Variants in NFIB observed in about 807,000 individuals in gnomAD.
NFIB encodes the protein nuclear factor I B.
In NFIB, 11 loss-of-function variants were observed where a neutral mutation model predicts 61.5. The ratio of observed to expected loss-of-function variants is 0.18; its 90% CI spans 0.11 to 0.30. The LOEUF is 0.30. Among genes scored for constraint, NFIB ranks in the 10% least tolerant of loss-of-function variants. NFIB has a pLI of 1.00. For missense variants in NFIB, 471 were observed against 608.9 expected, an observed-to-expected ratio of 0.77 and a Z score of 2.38; for synonymous variants, 260 against 216.5, an observed-to-expected ratio of 1.20 and a Z score of -1.76.
intron 2 of NFIB, among the ~76,000 whole-genome samples, chr9:14,225,158 G>GA (rs996519676): frequency 6.6e-6 from 1 of 152,072 alleles, no homozygotes; most frequent in Non-Finnish European, 1.5e-5. Context: ...AGTGAGAACA[G>GA]AAGGTATTAT....
intron 2 of NFIB, among the ~76,000 whole-genome samples, chr9:14,249,502 TGC>T (rs1324827435): frequency 2.0e-5 from 3 of 152,228 alleles, no homozygotes; most frequent in African/African-American, 7.2e-5. Flanking sequence ...GTCTCACTGT[TGC>T]CTAGGCTAAA....
At chr9:14,163,498 A>G in intron 3 of NFIB, among the ~76,000 whole-genome samples, 1 of 151,938 alleles carries the variant, frequency 6.6e-6, no homozygotes, top group Non-Finnish European at 1.5e-5. Context: ...AAGCAGTATC[A>G]GCAACGGTTA....
intron 10 of NFIB, among the ~76,000 whole-genome samples, chr9:14,111,600 C>T (rs1378730733): frequency 6.6e-6 from 1 of 151,972 alleles, no homozygotes; most frequent in Non-Finnish European, 1.5e-5. Context: ...ACACAATGGA[C>T]ACATACATCT....
In NFIB at chr9:14,120,317, C is replaced by T; in HGVS notation, c.1245+123G>A. 9.2e-7 allele frequency: 1 copy of T among 1,083,382 alleles called. No individual in the cohort carries two copies. The highest frequency in any genetic ancestry group is 1.4e-6 in the Non-Finnish European group (1 of 716,414). 67.1% of individuals were successfully genotyped at this position (1,083,382 alleles called of 1,614,324 possible). A position where few individuals can be genotyped will look rare whatever the true frequency, so the allele number is the denominator to read the frequency against. Reference sequence around the variant, plus strand: ...ACTTATTGAGTCACCAAGCAACTTCCTGAAGATGGATTTCAAGGCTTGACG... The same window carrying T: ...ACTTATTGAGTCACCAAGCAACTTCTTGAAGATGGATTTCAAGGCTTGACG... On this transcript the variant is annotated intron_variant, in intron 8 of 10. Transcript: ENST00000380953. This position sits in a 1 kb window ranked among gnomAD's most constrained non-coding sequence, Gnocchi z 4.4.
At chr9:14,130,770 A>G (rs947374943) in intron 6 of NFIB, among the ~76,000 whole-genome samples, 4 of 152,226 alleles carry the variant, frequency 2.6e-5, no homozygotes, top group African/African-American at 9.6e-5. Context: ...ATGTGAAAGA[A>G]ACTGTATTAT....
At chr9:14,091,041 C>A (rs1563773944) in intron 10 of NFIB, among the ~76,000 whole-genome samples, 1 of 151,996 alleles carries the variant, frequency 6.6e-6, no homozygotes, top group Non-Finnish European at 1.5e-5. Flanking sequence ...TTATTTAAAT[C>A]TTTCAAACCG....
Position 14,134,897 on chromosome 9 carries a change from C to CAAAAAA in NFIB, c.926-9137_926-9132dup, listed in dbSNP as rs57014530. ...TGGGTGACAGGGCGAGACTCTGTCT[C>CAAAAAA]AAAAAAAAAAAAAAAAAAAAAAAGG... On this transcript the variant is annotated intron_variant, in intron 6 of 10. Transcript: ENST00000380953. Among the ~76,000 whole-genome samples the CAAAAAA allele has an allele frequency of 1.6e-3, 104 of 64,316 alleles. 3 individuals carry two copies. The highest frequency in any genetic ancestry group is 4.6e-3 in the African/African-American group (99 of 21,546). 42.2% of individuals were successfully genotyped at this position (64,316 alleles called of 152,430 possible).
chr9:14,449,473 C>A, the NFIB span, among the ~76,000 whole-genome samples: 1 of 152,076 alleles, frequency 6.6e-6, no homozygotes, highest in Non-Finnish European at 1.5e-5. Context: ...TAATAGCATT[C>A]TAAAGACAGT....
chr9:14,461,925 C>T, the NFIB span, among the ~76,000 whole-genome samples: 1 of 152,296 alleles, frequency 6.6e-6, no homozygotes, highest in East Asian at 1.9e-4. Flanking sequence ...AAGGGGAGAA[C>T]TGGATTCAGA....
intron 2 of NFIB, among the ~76,000 whole-genome samples, chr9:14,283,505 T>G (rs1210904757): frequency 6.6e-6 from 1 of 152,232 alleles, no homozygotes; most frequent in African/African-American, 2.4e-5. Flanking sequence ...GCATCTTGAC[T>G]GAAAGTTCAC....
intron 2 of NFIB, among the ~76,000 whole-genome samples, chr9:14,284,066 G>A (rs1260282460): frequency 6.6e-6 from 1 of 152,092 alleles, no homozygotes; most frequent in African/African-American, 2.4e-5. Context: ...CTGGGAAGGG[G>A]CAGTCATGGG....
At chr9:14,258,693 T>C in intron 2 of NFIB, among the ~76,000 whole-genome samples, 1 of 152,230 alleles carries the variant, frequency 6.6e-6, no homozygotes, top group East Asian at 1.9e-4. Flanking sequence ...ACTTTTCCAT[T>C]ATACCCCATT....
chr9:14,433,283 C>A, the NFIB span, among the ~76,000 whole-genome samples: 15 of 152,048 alleles, frequency 9.9e-5, no homozygotes, highest in Non-Finnish European at 1.6e-4. Flanking sequence ...AATTTTTTTG[C>A]CATATATGGA....
chr9:14,150,649 T>A (rs575601988), intron 4 of NFIB, among the ~76,000 whole-genome samples: 12 of 152,070 alleles, frequency 7.9e-5, no homozygotes, highest in Admixed American at 2.0e-4. Flanking sequence ...TTGCACTACC[T>A]AGGCTCTCGA....
At chr9:14,231,953 G>A (rs1024600234) in intron 2 of NFIB, among the ~76,000 whole-genome samples, 14 of 152,174 alleles carry the variant, frequency 9.2e-5, no homozygotes, top group African/African-American at 2.9e-4. Context: ...TAAAGGTTTT[G>A]AAAGGCCACA....
chr9:14,172,774 CTTT>C (rs925376777), intron 3 of NFIB, among the ~76,000 whole-genome samples: 1 of 145,972 alleles, frequency 6.9e-6, no homozygotes. Context: ...AAATTCAACA[CTTT>C]TTTTTTTTTT....
At chr9:14,166,734 C>T (rs2044835011) in intron 3 of NFIB, among the ~76,000 whole-genome samples, 1 of 152,104 alleles carries the variant, frequency 6.6e-6, no homozygotes, top group African/African-American at 2.4e-5. Flanking sequence ...ATCATCTTAA[C>T]CTCTGTGTTT....
At chr9:14,097,878 T>TTTTTTC (rs980045567) in intron 10 of NFIB, among the ~76,000 whole-genome samples, 9 of 144,262 alleles carry the variant, frequency 6.2e-5, no homozygotes, top group African/African-American at 2.3e-4. Flanking sequence ...CTTTTTTCTT[T>TTTTTTC]TTTTTTTTTT....
intron 2 of NFIB, among the ~76,000 whole-genome samples, chr9:14,238,839 T>TG (rs1353522046): frequency 1.3e-5 from 2 of 152,108 alleles, no homozygotes; most frequent in African/African-American, 4.8e-5. Flanking sequence ...TATAAATCTG[T>TG]GGGCTTCTCC....
Sources: allele counts gnomAD v4.1 joint callset (sites outside exome capture counted in the v4.1 genomes callset), GRCh38; gene constraint gnomAD v4.1.1; non-coding constraint Gnocchi (gnomAD v3.1); transcripts MANE v1.5; gene names NCBI Gene and HGNC (gene_info 2026-07-23, HGNC 2026-07-21).